The following SAFB variants were observed in gnomAD, a reference collection of about 807,000 sequenced individuals.
SAFB encodes the protein scaffold attachment factor B.
Under a neutral mutation model 101.6 loss-of-function variants are expected in SAFB, and 15 were observed. That is an observed-to-expected ratio of 0.15 (90% confidence interval 0.10 to 0.23). SAFB has a LOEUF of 0.23. Ranked by LOEUF, SAFB falls within the 10% of genes least tolerant of loss-of-function variation. SAFB has a pLI of 1.00. For missense variants in SAFB, 930 were observed against 1,104.1 expected, an observed-to-expected ratio of 0.84 and a Z score of 2.23; for synonymous variants, 449 against 407.5, an observed-to-expected ratio of 1.10 and a Z score of -1.23.
intron 2 of SAFB, among the ~76,000 whole-genome samples, chr19:5,630,888 G>A (rs1219018937): frequency 6.6e-6 from 1 of 152,082 alleles, no homozygotes; most frequent in African/African-American, 2.4e-5. Context: ...AGGTAGGTAG[G>A]GATGAAAACA....
intron 14 of SAFB, among the ~76,000 whole-genome samples, 175 bp downstream of exon 14, chr19:5,657,522 C>T (rs1236522336): frequency 2.0e-5 from 3 of 152,112 alleles, no homozygotes; most frequent in Non-Finnish European, 2.9e-5. Flanking sequence ...CGGCTCTTTT[C>T]TTTTCTTTTC....
At position 5,649,332 on chromosome 19, in the gene SAFB, C is replaced by T; in HGVS notation, c.981C>T (p.Leu327=). ...AVEQSSAASE[L]AEASSEELAE... ...AGCAGAGTAGTGCGGCCTCCGAGCT[C>T]GCGGAGGCCTCTAGCGAGGAGCTCG... Residue 327 remains leucine, a synonymous_variant, in exon 7 of 21, where the codon CTC becomes CTT. Coordinates refer to ENST00000588852, the MANE Select transcript of SAFB (RefSeq NM_001201338.2). 5.3e-6 allele frequency: 2 copies of T among 376,702 alleles called. No homozygotes were observed. The highest frequency in any genetic ancestry group is 2.5e-5 in the South Asian group (1 of 40,462). 23.3% of individuals were successfully genotyped at this position (376,702 alleles called of 1,614,324 possible).
Position 5,645,383 on chromosome 19 carries a change from A to G in SAFB, c.593A>G (p.Asp198Gly). The G allele has an allele frequency of 7.3e-7, 1 of 1,374,986 alleles. No homozygotes were observed. The highest frequency in any genetic ancestry group is 1.0e-6 in the Non-Finnish European group (1 of 963,388). 85.2% of individuals were successfully genotyped at this position (1,374,986 alleles called of 1,614,324 possible). A position where few individuals can be genotyped will look rare whatever the true frequency, so the allele number is the denominator to read the frequency against. ...TINNLDTSSS[D>G]FTILQEIEEP... is the part of the protein sequence containing the mutation. ...AACAATTTAGATACTTCATCATCTG[A>G]CTTCACTATATTACAGGTAAACTGT... is the stretch of plus-strand genomic sequence containing the variant. Residue 198 changes from aspartate to glycine, a missense_variant, in exon 5 of 21, where the codon GAC becomes GGC. Physicochemically the swap from Asp to Gly is moderately conservative, Grantham distance 94. Transcript: ENST00000588852.
Position 5,661,506 on chromosome 19 carries a change from A to T in SAFB, c.1863-12A>T. The T allele has an allele frequency of 6.2e-7, 1 of 1,611,400 alleles. No homozygotes were observed. The highest frequency in any genetic ancestry group is 8.5e-7 in the Non-Finnish European group (1 of 1,178,906). On this transcript the variant is annotated splice_polypyrimidine_tract_variant and intron_variant, in intron 14 of 20. Transcript: ENST00000588852. Reference sequence around the variant, plus strand: ...TGTCTAGGTCCCCTTCTGCAGCTCTACTGTTGTGCAGCAGGGTGCGTGAAC... The same window carrying T: ...TGTCTAGGTCCCCTTCTGCAGCTCTTCTGTTGTGCAGCAGGGTGCGTGAAC...
In SAFB at chr19:5,667,694, C is replaced by CT; in HGVS notation, c.2558-124dup. On this transcript the variant is annotated intron_variant, in intron 19 of 20. Coordinates refer to ENST00000588852, the MANE Select transcript of SAFB (RefSeq NM_001201338.2). The surrounding 1 kb of genome is among the most constrained non-coding windows in gnomAD (Gnocchi z 4.0). ...GTCTATGGTCCCTGTGCCCAGGTGT[C>CT]TTCCTGGGACCCGCTAGTTGTGGGT... 1 of 907,038 alleles carries CT rather than the reference C, an allele frequency of 1.1e-6. No homozygotes were observed. Among genetic ancestry groups the CT allele is most frequent in the Non-Finnish European group, 1.8e-6 (1 of 570,972 alleles). 56.2% of individuals were successfully genotyped at this position (907,038 alleles called of 1,614,324 possible).
At chr19:5,656,084 A>G (rs1599370078) in intron 13 of SAFB, among the ~76,000 whole-genome samples, 1 of 152,210 alleles carries the variant, frequency 6.6e-6, no homozygotes, top group East Asian at 1.9e-4. Context: ...TGTGTCTTTC[A>G]ATTATGATAA....
Position 5,668,182 on chromosome 19 carries a change from G to T in SAFB, c.2645G>T (p.Gly882Val). 1 of 1,606,068 alleles carries T rather than the reference G, an allele frequency of 6.2e-7. No homozygotes were observed. The highest frequency in any genetic ancestry group is 1.1e-5 in the South Asian group (1 of 90,200). ...CCTAGGCGCGGCAGCTTTGCCCCAGGCGGGGCCTCCCGGGGCCACCCCATC... is the reference window on the plus strand; with the variant it reads ...CCTAGGCGCGGCAGCTTTGCCCCAGTCGGGGCCTCCCGGGGCCACCCCATC... ...GMSGRGSFAPGGASRGHPIPH... is the reference protein window; with the variant it reads ...GMSGRGSFAPVGASRGHPIPH... Residue 882 changes from glycine (G) to valine (V), a missense_variant, in exon 21 of 21, where the codon GGC (glycine) becomes GTC (valine). Gly to Val is a moderately radical substitution (Grantham distance 109). Around this residue, in one of 7 missense-constraint regions of SAFB, gnomAD observed 318 missense variants for 342.6 expected, o/e 0.93. Transcript: ENST00000588852.
chr19:5,666,068 A>G (rs1599391860), intron 17 of SAFB: 1 of 152,292 alleles, frequency 6.6e-6, no homozygotes, highest in African/African-American at 2.4e-5. Flanking sequence ...GCCTGTGTCA[A>G]GGGGGTTTCC....
intron 2 of SAFB, among the ~76,000 whole-genome samples, chr19:5,631,681 T>A (rs550052413): frequency 2.0e-4 from 30 of 152,288 alleles, no homozygotes; most frequent in African/African-American, 5.1e-4. Context: ...ACATTTTTTT[T>A]AAAAACTGCT....
chr19:5,635,013 C>A (rs777114251), intron 2 of SAFB, among the ~76,000 whole-genome samples: 2 of 152,026 alleles, frequency 1.3e-5, no homozygotes, highest in African/African-American at 4.8e-5. Flanking sequence ...TGGCACGTGC[C>A]GGTAATCCCA....
chr19:5,647,394 G>A (rs948907738), intron 5 of SAFB, among the ~76,000 whole-genome samples: 15 of 152,200 alleles, frequency 9.9e-5, no homozygotes, highest in African/African-American at 2.9e-4. Context: ...ATGGGATGGG[G>A]ATAATACAAC....
chr19:5,664,079 T>G lies in SAFB; in HGVS notation c.2211T>G (p.His737Gln), dbSNP rs1568281898. Reference sequence around the variant, plus strand: ...GGGCCGCCCTGGATGAGCGCTACCATTCTGACTTTAACCGCCAGGACCGCT... The same window carrying G: ...GGGCCGCCCTGGATGAGCGCTACCAGTCTGACTTTAACCGCCAGGACCGCT... ...AKRAALDERY[H>Q]SDFNRQDRFH... Residue 737 changes from histidine (H) to glutamine (Q), a missense_variant, in exon 16 of 21, where the codon CAT becomes CAG. Coordinates refer to ENST00000588852, the MANE Select transcript of SAFB (RefSeq NM_001201338.2). 3 of 1,614,054 alleles carry G rather than the reference T, an allele frequency of 1.9e-6. No homozygotes were observed. The highest frequency in any genetic ancestry group is 1.7e-5 in the Admixed American group (1 of 60,026).
chr19:5,667,468 G>T lies in SAFB; in HGVS notation c.2557+18G>T. 1 of 1,484,466 alleles carries T rather than the reference G, an allele frequency of 6.7e-7. No homozygotes were observed. Among genetic ancestry groups the T allele is most frequent in the Non-Finnish European group, 9.0e-7 (1 of 1,107,088 alleles). 92.0% of individuals were successfully genotyped at this position (1,484,466 alleles called of 1,614,324 possible). On this transcript the variant is annotated intron_variant, in intron 19 of 20. Transcript: ENST00000588852. The surrounding 1 kb of genome is among the most constrained non-coding windows in gnomAD (Gnocchi z 4.0). The stretch of plus-strand genomic sequence containing the variant: ...GTGGCAAGGTGAGGAGCAGCTCTGG[G>T]CTGGGACCAGGATGTGCTGGGGAGT...
rs1175887528 is a variant in SAFB at position 5,661,785 on chromosome 19, G to A, written c.2130G>A (p.Val710=). The A allele has an allele frequency of 6.4e-7, 1 of 1,557,458 alleles. No individual in the cohort carries two copies. Among genetic ancestry groups the A allele is most frequent in the Non-Finnish European group, 8.7e-7 (1 of 1,153,082 alleles). ...LRYEQERRPA[V]RRPYDLDRRD... ...ATGAGCAGGAGCGGCGGCCCGCGGT[G>A]CGGCGGCCCTACGACCTGGACCGGT... The change falls in exon 15 of 21, where the codon GTG becomes GTA. Residue 710 remains valine (V), a synonymous_variant. Coordinates refer to ENST00000588852, the MANE Select transcript of SAFB (RefSeq NM_001201338.2).
rs529336007 is a variant in SAFB, at chr19:5,639,590, G to A, written c.275-2004G>A. ...CGCCTGTAATCCCAGCTACTCAGGC[G>A]GCTGAGGCAGGAGAATCACTTGAAC... On this transcript the variant is annotated intron_variant, in intron 2 of 20. Coordinates refer to ENST00000588852, the MANE Select transcript of SAFB (RefSeq NM_001201338.2). 1.3e-4 allele frequency among the ~76,000 whole-genome samples: 19 copies of A among 151,550 alleles called. No individual in the cohort carries two copies. The South Asian group carries it at 2.5e-3, about 20-fold the overall frequency.
intron 2 of SAFB, among the ~76,000 whole-genome samples, chr19:5,633,391 G>A (rs2053529491): frequency 6.6e-6 from 1 of 152,152 alleles, no homozygotes; most frequent in African/African-American, 2.4e-5. Context: ...GAATGGCAGG[G>A]TACGTGAGTC....
At chr19:5,652,730 CTT>C (rs369796852) in intron 9 of SAFB, among the ~76,000 whole-genome samples, 3 of 149,866 alleles carry the variant, frequency 2.0e-5, no homozygotes, top group Admixed American at 1.3e-4. Context: ...GTGCCGAAGT[CTT>C]TTTTTTTTCT....
At chr19:5,656,364 C>G (rs1029264004) in intron 13 of SAFB, among the ~76,000 whole-genome samples, 1 of 151,972 alleles carries the variant, frequency 6.6e-6, no homozygotes, top group Non-Finnish European at 1.5e-5. Flanking sequence ...CTCCACCTCC[C>G]GGGGGTTTTT....
At chr19:5,660,342 CTTTTTTTTTTT>C (rs11360129) in intron 14 of SAFB, among the ~76,000 whole-genome samples, 12 of 50,940 alleles carry the variant, frequency 2.4e-4, no homozygotes, top group South Asian at 1.1e-3. Context: ...CTGCACACAC[CTTTTTTTTTTT>C]TTTTTTTTTT....
Sources: gnomAD v4.1 joint callset for allele counts (sites outside exome capture counted in the v4.1 genomes callset) on GRCh38, gnomAD v4.1.1 for gene constraint, gnomAD v4.1.1 regional missense constraint, Gnocchi (gnomAD v3.1) non-coding constraint, MANE v1.5 for transcripts, NCBI Gene and HGNC (gene_info 2026-07-23, HGNC 2026-07-21) for gene names.